The following TRPC4AP variants were observed in gnomAD, a reference collection of about 807,000 sequenced individuals.
TRPC4AP encodes short transient receptor potential channel 4-associated protein.
A neutral mutation model predicts 99.0 loss-of-function variants in TRPC4AP; 45 were observed. The ratio of observed to expected loss-of-function variants is 0.45; its 90% CI spans 0.36 to 0.58. The LOEUF is 0.58. Among genes scored for constraint, TRPC4AP ranks in the 20% least tolerant of loss-of-function variants. The probability of loss-of-function intolerance (pLI) is 0.00; values close to 1 mark genes in which losing one functional copy is unlikely to be tolerated. For synonymous variants in TRPC4AP, 408 were observed against 385.8 expected, an observed-to-expected ratio of 1.06 and a Z score of -0.67; for missense variants, 879 against 985.3, an observed-to-expected ratio of 0.89 and a Z score of 1.44.
At chr20:35,027,175 T>TTAGGTATG (rs2083051898) in intron 8 of TRPC4AP, among the ~76,000 whole-genome samples, 1 of 152,192 alleles carries the variant, frequency 6.6e-6, no homozygotes. Flanking sequence ...TTTTTTGCCA[T>TTAGGTATG]TAGGTATGTC....
At chr20:35,089,330 G>A (rs1180937340) in intron 1 of TRPC4AP, among the ~76,000 whole-genome samples, 4 of 151,542 alleles carry the variant, frequency 2.6e-5, no homozygotes, top group African/African-American at 4.9e-5. Context: ...AGGCTCAAGC[G>A]ATCTTCCCAC....
At chr20:35,091,650 T>C (rs2085070601) in intron 1 of TRPC4AP, among the ~76,000 whole-genome samples, 1 of 152,098 alleles carries the variant, frequency 6.6e-6, no homozygotes, top group Admixed American at 6.6e-5. Context: ...GTGGAAGAAG[T>C]AGTGGACTAG....
At chr20:35,062,766 G>A (rs1481764560) in intron 3 of TRPC4AP, among the ~76,000 whole-genome samples, 4 of 152,140 alleles carry the variant, frequency 2.6e-5, no homozygotes, top group African/African-American at 9.7e-5. Flanking sequence ...AAAATCAATT[G>A]TGGTGACAGT....
intron 12 of TRPC4AP, among the ~76,000 whole-genome samples, 181 bp downstream of exon 12, chr20:35,010,006 G>A (rs1209752064): frequency 1.3e-5 from 2 of 152,236 alleles, no homozygotes; most frequent in African/African-American, 4.8e-5. Flanking sequence ...GCTGCTGTGA[G>A]GCTCCAATGA....
intron 7 of TRPC4AP, among the ~76,000 whole-genome samples, chr20:35,041,010 G>C (rs1358700571): frequency 9.1e-6 from 1 of 109,854 alleles, no homozygotes; most frequent in Non-Finnish European, 2.1e-5. Flanking sequence ...CAATGACAGA[G>C]AGGAAAATTC....
intron 12 of TRPC4AP, among the ~76,000 whole-genome samples, chr20:35,009,061 T>A (rs1819986859): frequency 6.6e-6 from 1 of 152,324 alleles, no homozygotes; most frequent in South Asian, 2.1e-4. Context: ...GTCATGCCAG[T>A]CTGCCAGATG....
At chr20:35,075,720 C>A (rs1027681647) in intron 2 of TRPC4AP, among the ~76,000 whole-genome samples, 2 of 152,182 alleles carry the variant, frequency 1.3e-5, no homozygotes, top group African/African-American at 4.8e-5. Context: ...TTTGGTGAAT[C>A]TGACAATTAT....
chr20:35,081,665 C>G (rs899174140), intron 1 of TRPC4AP, among the ~76,000 whole-genome samples: 5 of 151,974 alleles, frequency 3.3e-5, no homozygotes, highest in South Asian at 2.1e-4. Flanking sequence ...GGTAGTATAA[C>G]TATATTAAAA....
intron 8 of TRPC4AP, among the ~76,000 whole-genome samples, chr20:35,026,592 CA>C (rs2083036770): frequency 6.6e-6 from 1 of 152,124 alleles, no homozygotes; most frequent in Non-Finnish European, 1.5e-5. Context: ...TCCATTTGTG[CA>C]AAGTAGTCAG....
At chr20:35,071,418 C>T (rs934468513) in intron 2 of TRPC4AP, among the ~76,000 whole-genome samples, 12 of 149,404 alleles carry the variant, frequency 8.0e-5, no homozygotes, top group Middle Eastern at 3.4e-3. Flanking sequence ...TCTCCTAATG[C>T]TATCCCTCCC....
Position 35,039,100 on chromosome 20 carries a change from A to G in TRPC4AP, c.866-3792T>C, listed in dbSNP as rs920681706. ...AATAAAACAAAGCAAAAAAAACAAAAAAGAAATAAAAAGAATTTGTATTCT... is the reference window on the plus strand; with the variant it reads ...AATAAAACAAAGCAAAAAAAACAAAGAAGAAATAAAAAGAATTTGTATTCT... On this transcript the variant is annotated intron_variant, in intron 7 of 18. Transcript: ENST00000252015. Among the ~76,000 whole-genome samples, 6 of 152,354 alleles carry G rather than the reference A, an allele frequency of 3.9e-5. No homozygotes were observed. The Middle Eastern group carries it at 0.014, about 345-fold the overall frequency.
chr20:35,018,917 CT>C (rs953365332), intron 9 of TRPC4AP, among the ~76,000 whole-genome samples: 43 of 152,196 alleles, frequency 2.8e-4, no homozygotes, highest in Admixed American at 2.6e-3. Context: ...GACGATGGAG[CT>C]GTTGAAAAGG....
intron 6 of TRPC4AP, 36 bp downstream of exon 6, chr20:35,049,830 C>T: frequency 1.0e-5 from 16 of 1,578,588 alleles, no homozygotes; most frequent in Admixed American, 3.6e-5. Flanking sequence ...TCTGAGACAC[C>T]CTTCCCCATC....
At chr20:35,070,227 T>C (rs1341138116) in intron 2 of TRPC4AP, among the ~76,000 whole-genome samples, 1 of 152,058 alleles carries the variant, frequency 6.6e-6, no homozygotes, top group African/African-American at 2.4e-5. Flanking sequence ...TTCTTGTTAC[T>C]TCCGGCTGCT....
chr20:35,049,282 G>T (rs1372339299), intron 6 of TRPC4AP, among the ~76,000 whole-genome samples: 1 of 149,558 alleles, frequency 6.7e-6, no homozygotes, highest in Non-Finnish European at 1.5e-5. Flanking sequence ...AAAGTTATGG[G>T]TCATCCGAAT....
At chr20:35,080,657 C>A (rs1170382542) in intron 1 of TRPC4AP, among the ~76,000 whole-genome samples, 3 of 151,558 alleles carry the variant, frequency 2.0e-5, no homozygotes, top group Non-Finnish European at 4.4e-5. Context: ...CACTGGTTGG[C>A]AAAGGCTGTG....
At chr20:35,024,292 TACTC>T (rs778734979) in intron 8 of TRPC4AP, among the ~76,000 whole-genome samples, 3 of 152,184 alleles carry the variant, frequency 2.0e-5, no homozygotes, top group Non-Finnish European at 2.9e-5. Flanking sequence ...AGCAGCCTTG[TACTC>T]ACTACCAGTC....
At chr20:35,040,272 G>A (rs1376423106) in intron 7 of TRPC4AP, among the ~76,000 whole-genome samples, 1 of 152,160 alleles carries the variant, frequency 6.6e-6, no homozygotes, top group Non-Finnish European at 1.5e-5. Flanking sequence ...GATTCCAGAA[G>A]AGATTGGTGT....
chr20:35,014,611 G>A (rs987995968), intron 10 of TRPC4AP, among the ~76,000 whole-genome samples: 1 of 152,176 alleles, frequency 6.6e-6, no homozygotes, highest in Non-Finnish European at 1.5e-5. Context: ...AGCAGTTTCC[G>A]AATTGAGCCA....
Sources: allele counts gnomAD v4.1 joint callset (sites outside exome capture counted in the v4.1 genomes callset), GRCh38; gene constraint gnomAD v4.1.1; transcripts MANE v1.5; gene names NCBI Gene and HGNC (gene_info 2026-07-23, HGNC 2026-07-21).